Variants in MTUS2 observed in about 807,000 individuals in gnomAD.
MTUS2 encodes the protein microtubule associated scaffold protein 2.
Under a neutral mutation model 114.1 loss-of-function variants are expected in MTUS2, and 40 were observed. That is an observed-to-expected ratio of 0.35 (90% CI 0.27 to 0.46). The LOEUF is 0.46. Ranked by LOEUF, MTUS2 falls within the 20% of genes least tolerant of loss-of-function variation. The pLI is 1.00. For missense variants in MTUS2, 1,679 were observed against 1,705.4 expected (o/e 0.98, Z 0.27); for synonymous variants, 688 against 672.0 (o/e 1.02, Z -0.37).
chr13:29,325,194 G>A (rs919883391), intron 7 of MTUS2, among the ~76,000 whole-genome samples: 1 of 152,110 alleles, frequency 6.6e-6, no homozygotes, highest in Non-Finnish European at 1.5e-5. Context: ...GGTGGCTCAC[G>A]CCTGTAATCC....
chr13:29,157,265 C>T (rs1293335106), intron 5 of MTUS2, among the ~76,000 whole-genome samples: 1 of 152,180 alleles, frequency 6.6e-6, no homozygotes, highest in Non-Finnish European at 1.5e-5. Context: ...CACACCTCTA[C>T]CACTAGTAGA....
chr13:29,370,493 G>A (rs773290664), intron 8 of MTUS2, among the ~76,000 whole-genome samples: 13 of 152,106 alleles, frequency 8.5e-5, no homozygotes, highest in Admixed American at 2.0e-4. Flanking sequence ...AGAAAGAAGT[G>A]ATTAGGCTAC....
rs191078233 is a variant in MTUS2, at chr13:28,859,665, A to G, written c.-243+19815A>G. ...ATTTGTATTTTTGCAAAACATATTT[A>G]ACTTATGCAGGATGATGGGGTAGAC... On this transcript the variant is annotated intron_variant, in intron 2 of 15. Transcript: ENST00000612955. Among the ~76,000 whole-genome samples the G allele has an allele frequency of 3.2e-4, 49 of 152,256 alleles. 1 individual carries two copies. The highest frequency in any genetic ancestry group is 4.9e-4 in the Non-Finnish European group (33 of 68,030).
intron 9 of MTUS2, 59 bp downstream of exon 9, chr13:29,440,108 T>C: frequency 6.6e-7 from 1 of 1,506,872 alleles, no homozygotes; most frequent in East Asian, 2.4e-5. Context: ...TTCCTGTGAA[T>C]GTGTACCAAA....
chr13:29,426,862 T>C (rs1566193876), intron 8 of MTUS2, among the ~76,000 whole-genome samples: 2 of 152,256 alleles, frequency 1.3e-5, no homozygotes, highest in Non-Finnish European at 1.5e-5. Flanking sequence ...TCTGGTTGCT[T>C]CCACGTTTTG....
intron 5 of MTUS2, among the ~76,000 whole-genome samples, chr13:29,215,988 T>TC: frequency 6.6e-6 from 1 of 152,294 alleles, no homozygotes; most frequent in South Asian, 2.1e-4. Context: ...GCCGTCCTCT[T>TC]CCCCCAGGTG....
At chr13:29,398,258 C>T (rs1302611333) in intron 8 of MTUS2, among the ~76,000 whole-genome samples, 4 of 152,018 alleles carry the variant, frequency 2.6e-5, no homozygotes, top group Non-Finnish European at 5.9e-5. Context: ...GTCAGGAGTT[C>T]GAGACCAGCC....
At chr13:29,121,371 C>CTT (rs1200163632) in intron 5 of MTUS2, among the ~76,000 whole-genome samples, 1 of 152,068 alleles carries the variant, frequency 6.6e-6, no homozygotes. Flanking sequence ...AAAGAGCTTA[C>CTT]TTTATATTGC....
At position 29,422,237 on chromosome 13, in the gene MTUS2, G is replaced by A. The variant is rs141665571; in HGVS notation, c.3118-17746G>A. Among the ~76,000 whole-genome samples the A allele has an allele frequency of 1.5e-3, 234 of 152,272 alleles. 1 individual carries two copies. Among genetic ancestry groups the A allele is most frequent in the African/African-American group, 5.4e-3 (223 of 41,542 alleles). Reference sequence around the variant, plus strand: ...AGACATAAGCTTTAGAGTTAGATCCGAGTTCATGACCCCTCATAATCACTT... The same window carrying A: ...AGACATAAGCTTTAGAGTTAGATCCAAGTTCATGACCCCTCATAATCACTT... On this transcript the variant is annotated intron_variant, in intron 8 of 15. Transcript: ENST00000612955.
chr13:28,977,506 T>C (rs957099951), intron 2 of MTUS2, among the ~76,000 whole-genome samples: 1 of 152,226 alleles, frequency 6.6e-6, no homozygotes, highest in Non-Finnish European at 1.5e-5. Context: ...AAACTTTCTG[T>C]AATATAACCT....
chr13:28,837,576 C>T (rs1875179162), intron 1 of MTUS2, among the ~76,000 whole-genome samples: 1 of 152,160 alleles, frequency 6.6e-6, no homozygotes, highest in South Asian at 2.1e-4. Context: ...ATCTACTTCA[C>T]AGACTTTAGC....
chr13:28,996,368 T>C (rs1181894782), intron 2 of MTUS2, among the ~76,000 whole-genome samples: 1 of 152,184 alleles, frequency 6.6e-6, no homozygotes, highest in African/African-American at 2.4e-5. Flanking sequence ...TCTTTTTTTG[T>C]TGTGTCTCTG....
At chr13:28,827,831 T>C (rs556918820) in intron 1 of MTUS2, among the ~76,000 whole-genome samples, 1 of 152,114 alleles carries the variant, frequency 6.6e-6, no homozygotes, top group African/African-American at 2.4e-5. Context: ...GTCACAGAGA[T>C]CACATGCTTC....
intron 1 of MTUS2, among the ~76,000 whole-genome samples, chr13:28,834,894 C>G (rs2137964330): frequency 6.6e-6 from 1 of 152,038 alleles, no homozygotes; most frequent in East Asian, 1.9e-4. Flanking sequence ...GACATTTTTC[C>G]AAAGAAGATA....
chr13:29,074,440 A>G (rs1397603751), intron 4 of MTUS2, among the ~76,000 whole-genome samples: 1 of 152,138 alleles, frequency 6.6e-6, no homozygotes, highest in Non-Finnish European at 1.5e-5. Context: ...TGTGTGTCTG[A>G]TAGCAGGAAC....
chr13:29,096,513 A>C (rs2138801394), intron 4 of MTUS2, among the ~76,000 whole-genome samples: 1 of 152,316 alleles, frequency 6.6e-6, no homozygotes, highest in African/African-American at 2.4e-5. Context: ...GGCTCTCTCT[A>C]ATAAACTACC....
chr13:28,894,343 AGAGAGAGT>A (rs1446826159), intron 2 of MTUS2, among the ~76,000 whole-genome samples: 5 of 93,618 alleles, frequency 5.3e-5, no homozygotes, highest in South Asian at 4.0e-4. Flanking sequence ...AGAGAGAGAG[AGAGAGAGT>A]GAGAGTGAGA....
At chr13:28,968,241 A>G (rs2138242400) in intron 2 of MTUS2, among the ~76,000 whole-genome samples, 1 of 152,340 alleles carries the variant, frequency 6.6e-6, no homozygotes, top group South Asian at 2.1e-4. Context: ...GAACCAAAAT[A>G]TATTTCATAC....
intron 2 of MTUS2, among the ~76,000 whole-genome samples, chr13:28,993,813 ATTTTCT>A (rs536985648): frequency 8.4e-4 from 125 of 149,618 alleles, no homozygotes; most frequent in African/African-American, 2.9e-3. Flanking sequence ...TGCTTGGTTG[ATTTTCT>A]TTGTAGTGAA....
Sources: gnomAD v4.1 joint callset for allele counts (sites outside exome capture counted in the v4.1 genomes callset) on GRCh38, gnomAD v4.1.1 for gene constraint, MANE v1.5 for transcripts, NCBI Gene and HGNC (gene_info 2026-07-23, HGNC 2026-07-21) for gene names.